Variants in CDH9 observed in about 807,000 individuals in gnomAD.
CDH9 encodes the protein cadherin-9.
A neutral mutation model predicts 70.9 loss-of-function variants in CDH9; 28 were observed. The observed-to-expected ratio is 0.40, with a 90% CI of 0.29 to 0.54. CDH9 has a LOEUF of 0.54. Ranked by LOEUF, CDH9 falls within the 20% of genes least tolerant of loss-of-function variation. The pLI, the probability that CDH9 is intolerant of heterozygous loss-of-function variation, is 0.59. For synonymous variants in CDH9, 409 were observed against 343.1 expected, an observed-to-expected ratio of 1.19 and a Z score of -2.12; for missense variants, 874 against 984.4, an observed-to-expected ratio of 0.89 and a Z score of 1.50.
intron 1 of CDH9, among the ~76,000 whole-genome samples, chr5:26,989,791 G>T (rs1168272150): frequency 6.6e-6 from 1 of 152,078 alleles, no homozygotes; most frequent in Non-Finnish European, 1.5e-5. Context: ...TCAAATATAA[G>T]GATCTAGCTT....
chr5:26,941,949 G>A (rs574339685), intron 2 of CDH9, among the ~76,000 whole-genome samples: 10 of 152,152 alleles, frequency 6.6e-5, no homozygotes, highest in Non-Finnish European at 1.5e-4. Context: ...ATGGCAAGAG[G>A]GCTATGCATG....
At chr5:26,980,214 C>T (rs1463716866) in intron 2 of CDH9, among the ~76,000 whole-genome samples, 1 of 151,812 alleles carries the variant, frequency 6.6e-6, no homozygotes, top group African/African-American at 2.4e-5. Flanking sequence ...ACAAAATAGT[C>T]ATGTACAAAT....
chr5:26,982,593 G>C (rs1742416887), intron 2 of CDH9, among the ~76,000 whole-genome samples: 3 of 152,126 alleles, frequency 2.0e-5, no homozygotes, highest in Non-Finnish European at 4.4e-5. Context: ...ATCCAACACA[G>C]AGTGAAAGCC....
At chr5:26,957,986 A>G (rs1741974209) in intron 2 of CDH9, among the ~76,000 whole-genome samples, 1 of 152,222 alleles carries the variant, frequency 6.6e-6, no homozygotes, top group Non-Finnish European at 1.5e-5. Flanking sequence ...TAAAAAAATT[A>G]CAGTAAATTC....
intron 1 of CDH9, among the ~76,000 whole-genome samples, chr5:27,026,785 A>G (rs1214590821): frequency 6.6e-6 from 1 of 152,010 alleles, no homozygotes; most frequent in East Asian, 1.9e-4. Flanking sequence ...AAAACCAGTA[A>G]ATCATTAACA....
At chr5:26,937,315 G>A (rs1048732997) in intron 2 of CDH9, among the ~76,000 whole-genome samples, 6 of 152,040 alleles carry the variant, frequency 3.9e-5, no homozygotes, top group African/African-American at 1.4e-4. Flanking sequence ...AAAACAATGA[G>A]ACAGCACTAC....
At chr5:26,999,281 C>T (rs1742723557) in intron 1 of CDH9, among the ~76,000 whole-genome samples, 1 of 151,890 alleles carries the variant, frequency 6.6e-6, no homozygotes, top group African/African-American at 2.4e-5. Flanking sequence ...AATAAATATA[C>T]ATGAGCTATC....
intron 6 of CDH9, 58 bp downstream of exon 6, chr5:26,903,579 A>G (rs1481482003): frequency 8.5e-7 from 1 of 1,169,972 alleles, no homozygotes; most frequent in South Asian, 1.2e-5. Context: ...CCCTTTACTG[A>G]AAAGCAAACG....
At chr5:26,928,957 A>G (rs1183344723) in intron 2 of CDH9, among the ~76,000 whole-genome samples, 6 of 152,102 alleles carry the variant, frequency 3.9e-5, no homozygotes, top group Non-Finnish European at 5.9e-5. Context: ...GCAATACACC[A>G]TAAGCACAGG....
At chr5:27,016,273 A>G (rs1245042242) in intron 1 of CDH9, among the ~76,000 whole-genome samples, 1 of 151,844 alleles carries the variant, frequency 6.6e-6, no homozygotes. Context: ...TTTAAAAGTC[A>G]TTTTTATCAT....
intron 1 of CDH9, among the ~76,000 whole-genome samples, chr5:26,992,895 G>A (rs1300206120): frequency 6.6e-6 from 1 of 152,038 alleles, no homozygotes; most frequent in African/African-American, 2.4e-5. Flanking sequence ...TCAGGAGTTC[G>A]AGACCAGCCT....
At chr5:26,963,914 A>G (rs1201956987) in intron 2 of CDH9, among the ~76,000 whole-genome samples, 1 of 152,166 alleles carries the variant, frequency 6.6e-6, no homozygotes, top group African/African-American at 2.4e-5. Flanking sequence ...CAAGACTACT[A>G]TGATCTTAGA....
chr5:26,997,706 A>AT (rs200225543), intron 1 of CDH9, among the ~76,000 whole-genome samples: 69,276 of 148,014 alleles, frequency 0.47, 16,681 homozygotes, highest in Non-Finnish European at 0.5. Flanking sequence ...ACAAATGGTA[A>AT]TTTTTTTTTT....
intron 2 of CDH9, among the ~76,000 whole-genome samples, chr5:26,960,292 T>A (rs1742012732): frequency 6.6e-6 from 1 of 151,994 alleles, no homozygotes; most frequent in Non-Finnish European, 1.5e-5. Context: ...AATTCCATAA[T>A]CTAAAAATTA....
At chr5:27,008,258 G>A (rs956414043) in intron 1 of CDH9, among the ~76,000 whole-genome samples, 1 of 152,106 alleles carries the variant, frequency 6.6e-6, no homozygotes, top group Non-Finnish European at 1.5e-5. Flanking sequence ...CATTTTGGGA[G>A]GCGGGTGGAT....
chr5:26,957,414 C>T (rs1741965150), intron 2 of CDH9, among the ~76,000 whole-genome samples: 1 of 152,074 alleles, frequency 6.6e-6, no homozygotes, highest in African/African-American at 2.4e-5. Flanking sequence ...GTAATCGTAG[C>T]ACTTTGGGAG....
At chr5:26,895,174 T>C (rs574687383) in intron 7 of CDH9, among the ~76,000 whole-genome samples, 1 of 152,214 alleles carries the variant, frequency 6.6e-6, no homozygotes, top group South Asian at 2.1e-4. Context: ...ATTTGCTTTT[T>C]ACTTTTCAGC....
chr5:26,910,584 C>A (rs566479477), intron 3 of CDH9, among the ~76,000 whole-genome samples: 1 of 152,136 alleles, frequency 6.6e-6, no homozygotes, highest in African/African-American at 2.4e-5. Flanking sequence ...AATGGTAAAA[C>A]CAACTAAAGT....
At chr5:26,899,387 A>T (rs1481049693) in intron 7 of CDH9, among the ~76,000 whole-genome samples, 1 of 152,172 alleles carries the variant, frequency 6.6e-6, no homozygotes, top group Non-Finnish European at 1.5e-5. Flanking sequence ...TTATTGCACC[A>T]CTATTCACAA....
Sources: gnomAD v4.1 joint callset for allele counts (sites outside exome capture counted in the v4.1 genomes callset) on GRCh38, gnomAD v4.1.1 for gene constraint, MANE v1.5 for transcripts, NCBI Gene and HGNC (gene_info 2026-07-23, HGNC 2026-07-21) for gene names.